ADGRV1: variants seen among roughly 807,000 people sequenced by gnomAD.
ADGRV1 encodes G-protein coupled receptor 98.
ADGRV1 carries 359 observed loss-of-function variants against 596.2 expected under a neutral mutation model. That is an observed-to-expected ratio of 0.60 (90% CI 0.55 to 0.66). ADGRV1 has a LOEUF of 0.66. Ranked by LOEUF, ADGRV1 falls within the 30% of genes least tolerant of loss-of-function variation. ADGRV1 has a pLI of 0.00. For missense variants in ADGRV1, 7,274 were observed against 7,575.6 expected, an observed-to-expected ratio of 0.96 and a Z score of 1.48; for synonymous variants, 2,681 against 2,679.2, an observed-to-expected ratio of 1.00 and a Z score of -0.02.
chr5:91,134,882 A>C (rs745416496), intron 87 of ADGRV1, among the ~76,000 whole-genome samples: 45 of 152,206 alleles, frequency 3.0e-4, no homozygotes, highest in Non-Finnish European at 5.1e-4. Flanking sequence ...ACCTAAAGGA[A>C]ACCAAAATTG....
At chr5:90,879,627 G>A (rs996056514) in intron 83 of ADGRV1, among the ~76,000 whole-genome samples, 10 of 151,656 alleles carry the variant, frequency 6.6e-5, no homozygotes, top group South Asian at 2.1e-4. Context: ...AAATGGTAAG[G>A]CGTATGTTTA....
At chr5:90,942,697 T>C (rs1416292433) in intron 83 of ADGRV1, among the ~76,000 whole-genome samples, 1 of 152,146 alleles carries the variant, frequency 6.6e-6, no homozygotes, top group Non-Finnish European at 1.5e-5. Context: ...TAATCATTCC[T>C]TATGGCAAGG....
intron 85 of ADGRV1, among the ~76,000 whole-genome samples, chr5:91,039,182 A>G (rs372049367): frequency 2.6e-5 from 4 of 152,200 alleles, no homozygotes; most frequent in East Asian, 1.9e-4. Flanking sequence ...TCAAGCTAGC[A>G]TAAGAAAATG....
Position 90,635,104 on chromosome 5 carries a change from T to C in ADGRV1, c.1840-10T>C, listed in dbSNP as rs775801355. 3.4e-5 allele frequency: 53 copies of C among 1,540,522 alleles called. No homozygotes were observed. The highest frequency in any genetic ancestry group is 4.3e-5 in the Non-Finnish European group (48 of 1,119,368). On this transcript the variant is annotated splice_polypyrimidine_tract_variant and intron_variant, in intron 9 of 89. Coordinates refer to ENST00000405460, the MANE Select transcript of ADGRV1 (RefSeq NM_032119.4). ...ATTCTTACTACTTTTTGTGTATTTGTTTATTATAGTTGGAAACTGTGGAGT... is the reference window on the plus strand; with the variant it reads ...ATTCTTACTACTTTTTGTGTATTTGCTTATTATAGTTGGAAACTGTGGAGT...
intron 83 of ADGRV1, among the ~76,000 whole-genome samples, chr5:90,883,561 A>T (rs559301775): frequency 1.3e-5 from 2 of 152,228 alleles, no homozygotes; most frequent in East Asian, 3.9e-4. Context: ...ACTTGGAGTG[A>T]TACTGGTACA....
At position 90,823,521 on chromosome 5, in the gene ADGRV1, G is replaced by T. The variant is rs753004595; in HGVS notation, c.16293G>T (p.Gln5431His). 86 of 1,613,842 alleles carry T rather than the reference G, an allele frequency of 5.3e-5. No individual in the cohort carries two copies. Among genetic ancestry groups the T allele is most frequent in the Non-Finnish European group, 7.2e-5 (85 of 1,179,860 alleles). ...KDGVNLVEEL[Q>H]SVSGTTTCTM... ...GGGTAAACCTGGTGGAGGAACTTCA[G>T]TCTGTGTCAGGGACCACAACCTGTA... Residue 5431 changes from glutamine to histidine, a missense_variant, in exon 76 of 90, where the codon CAG becomes CAT. Physicochemically the swap from Gln to His is conservative, Grantham distance 24 (BLOSUM62 0). Transcript: ENST00000405460.
At chr5:91,157,934 T>C (rs1796607327) in intron 89 of ADGRV1, among the ~76,000 whole-genome samples, 1 of 152,194 alleles carries the variant, frequency 6.6e-6, no homozygotes, top group African/African-American at 2.4e-5. Flanking sequence ...GCAGAGGCAC[T>C]GACCTGGAGC....
chr5:90,729,528 T>C, intron 49 of ADGRV1, 114 bp from the exon 50 acceptor site: 1 of 819,978 alleles, frequency 1.2e-6, no homozygotes, highest in Admixed American at 2.7e-5. Flanking sequence ...TTGGACTAAA[T>C]GGATTCTGAG....
chr5:91,088,343 A>G (rs1790066335), intron 86 of ADGRV1, among the ~76,000 whole-genome samples: 1 of 152,146 alleles, frequency 6.6e-6, no homozygotes, highest in African/African-American at 2.4e-5. Context: ...CCATGGTTAT[A>G]TTAAAGCTGC....
At chr5:90,838,823 G>A (rs934665615) in intron 77 of ADGRV1, among the ~76,000 whole-genome samples, 1 of 151,888 alleles carries the variant, frequency 6.6e-6, no homozygotes. Flanking sequence ...CCCAGGAGTT[G>A]GATACCAGCC....
chr5:90,783,485 G>T (rs1475741801), intron 66 of ADGRV1, among the ~76,000 whole-genome samples, 160 bp downstream of exon 66: 2 of 150,902 alleles, frequency 1.3e-5, no homozygotes, highest in East Asian at 2.0e-4. Flanking sequence ...GGAAAGAGGG[G>T]CTAGGAGACG....
chr5:90,619,257 G>C (rs574668847), intron 4 of ADGRV1, 76 bp downstream of exon 4: 1 of 646,448 alleles, frequency 1.5e-6, no homozygotes, highest in African/African-American at 1.9e-5. Context: ...TTTTCATGAT[G>C]TTAGCTAGTA....
chr5:91,070,048 G>GCTAA (rs1389479632), intron 85 of ADGRV1, among the ~76,000 whole-genome samples: 3 of 152,134 alleles, frequency 2.0e-5, no homozygotes, highest in African/African-American at 7.2e-5. Context: ...ATAAGTGGAA[G>GCTAA]CTAAGCATTG....
intron 86 of ADGRV1, among the ~76,000 whole-genome samples, chr5:91,089,758 G>T (rs1173155234): frequency 6.6e-6 from 1 of 152,088 alleles, no homozygotes; most frequent in African/African-American, 2.4e-5. Context: ...GCTATTCATG[G>T]CCAAATACAT....
intron 83 of ADGRV1, among the ~76,000 whole-genome samples, chr5:90,956,747 C>G (rs1156938415): frequency 6.6e-6 from 1 of 152,040 alleles, no homozygotes; most frequent in Non-Finnish European, 1.5e-5. Flanking sequence ...TTTTGGAGTA[C>G]ATGCTAGCAT....
At position 90,805,271 on chromosome 5, in the gene ADGRV1, G is replaced by C; in HGVS notation, c.14662-13G>C. 2 of 1,605,526 alleles carry C rather than the reference G, an allele frequency of 1.2e-6. No homozygotes were observed. Among genetic ancestry groups the C allele is most frequent in the Admixed American group, 1.7e-5 (1 of 59,892 alleles). On this transcript the variant is annotated splice_polypyrimidine_tract_variant and intron_variant, in intron 71 of 89. Transcript: ENST00000405460. Reference sequence around the variant, plus strand: ...GAGAGAAATAAAATACTCTAAGCATGATTTTCCCTCAGGTCGGATTTGAAT... The same window carrying C: ...GAGAGAAATAAAATACTCTAAGCATCATTTTCCCTCAGGTCGGATTTGAAT...
At chr5:90,824,796 C>G (rs1336253371) in intron 76 of ADGRV1, among the ~76,000 whole-genome samples, 1 of 152,144 alleles carries the variant, frequency 6.6e-6, no homozygotes, top group Non-Finnish European at 1.5e-5. Context: ...CACAGTATGT[C>G]CTTTCATTTA....
chr5:91,130,392 C>T lies in ADGRV1; in HGVS notation c.18433-19638C>T, dbSNP rs1280435899. Among the ~76,000 whole-genome samples, 2 of 151,362 alleles carry T rather than the reference C, an allele frequency of 1.3e-5. 1 individual carries two copies. Among genetic ancestry groups the T allele is most frequent in the South Asian group, 4.2e-4 (2 of 4,770 alleles). On this transcript the variant is annotated intron_variant, in intron 87 of 89. Coordinates refer to ENST00000405460, the MANE Select transcript of ADGRV1 (RefSeq NM_032119.4). Reference sequence around the variant, plus strand: ...ACTAAAAATATAAAAATTAGCCGGGCGTGGTGGTGGGCAGCTCTACTTGGG... The same window carrying T: ...ACTAAAAATATAAAAATTAGCCGGGTGTGGTGGTGGGCAGCTCTACTTGGG...
chr5:90,706,186 A>C (rs1234252929), intron 37 of ADGRV1, 45 bp from the exon 38 acceptor site: 2 of 1,546,236 alleles, frequency 1.3e-6, no homozygotes, highest in African/African-American at 2.8e-5. Flanking sequence ...TATTATTGTA[A>C]ACATTTAGAT....
Sources: gnomAD v4.1 joint callset for allele counts (sites outside exome capture counted in the v4.1 genomes callset) on GRCh38, gnomAD v4.1.1 for gene constraint, MANE v1.5 for transcripts, NCBI Gene and HGNC (gene_info 2026-07-23, HGNC 2026-07-21) for gene names.